ZCCHC2: variants seen among roughly 807,000 people sequenced by gnomAD.
ZCCHC2 encodes the protein zinc finger CCHC-type containing 2.
A neutral mutation model predicts 103.6 loss-of-function variants in ZCCHC2; 39 were observed. That is an observed-to-expected ratio of 0.38 (90% CI 0.29 to 0.49). The LOEUF (loss-of-function observed/expected upper bound fraction) is 0.49. Among genes scored for constraint, ZCCHC2 ranks in the 20% least tolerant of loss-of-function variants. ZCCHC2 has a pLI of 0.96. For synonymous variants in ZCCHC2, 687 were observed against 608.9 expected, an observed-to-expected ratio of 1.13 and a Z score of -1.89; for missense variants, 1,483 against 1,491.0, an observed-to-expected ratio of 0.99 and a Z score of 0.09.
chr18:62,571,826 T>C (rs1318568911), intron 12 of ZCCHC2, among the ~76,000 whole-genome samples: 2 of 152,186 alleles, frequency 1.3e-5, no homozygotes, highest in Admixed American at 6.5e-5. Context: ...TTAGCTTCTT[T>C]CTGTGTTGTG....
At chr18:62,561,472 A>G (rs542570571) in intron 8 of ZCCHC2, among the ~76,000 whole-genome samples, 1 of 152,282 alleles carries the variant, frequency 6.6e-6, no homozygotes, top group Non-Finnish European at 1.5e-5. Context: ...GTGACTTTCC[A>G]TGTTCCGCCT....
chr18:62,561,743 T>G (rs1916126746), intron 8 of ZCCHC2, among the ~76,000 whole-genome samples: 1 of 152,252 alleles, frequency 6.6e-6, no homozygotes, highest in African/African-American at 2.4e-5. Context: ...TCAATCGGTC[T>G]TACTGCTGCT....
Position 62,560,573 on chromosome 18 carries a change from T to G in ZCCHC2, c.1493-14T>G. 6.2e-7 allele frequency: 1 copy of G among 1,610,736 alleles called. No individual in the cohort carries two copies. The highest frequency in any genetic ancestry group is 8.5e-7 in the Non-Finnish European group (1 of 1,178,158). On this transcript the variant is annotated splice_polypyrimidine_tract_variant and intron_variant, in intron 7 of 13. Coordinates refer to ENST00000269499, the MANE Select transcript of ZCCHC2 (RefSeq NM_017742.6). ...AGCATTTAGTGTAATAAGTTACTTT[T>G]TCCTCTCTTCTAGATGTGTTGCAGC...
intron 5 of ZCCHC2, among the ~76,000 whole-genome samples, chr18:62,553,424 A>G (rs12962859): frequency 0.17 from 25,100 of 151,878 alleles, 2,432 homozygotes; most frequent in Non-Finnish European, 0.22. Context: ...TACAATGTCC[A>G]GGTATATGAT....
rs551740182 is a variant in ZCCHC2, at chr18:62,523,796, G to T, written c.372G>T (p.Pro124=). 1 of 1,541,832 alleles carries T rather than the reference G, an allele frequency of 6.5e-7. No individual in the cohort carries two copies. The highest frequency in any genetic ancestry group is 1.2e-5 in the South Asian group (1 of 83,918). ...FMCGLLDLCN[P]LELRFLGSCL... is the part of the protein sequence containing the mutation. ...GCGGGCTGCTGGACCTGTGCAACCC[G>T]CTGGAGCTGCGCTTCCTTGGCTCGT... Residue 124 remains proline (P), a synonymous_variant, in exon 1 of 14, where the codon CCG becomes CCT. Transcript: ENST00000269499.
At chr18:62,579,882 C>A (rs1356324032), downstream of ZCCHC2, among the ~76,000 whole-genome samples, 15 of 151,630 alleles carry the variant, frequency 9.9e-5, no homozygotes, top group African/African-American at 2.9e-4. Flanking sequence ...ACCACCACGC[C>A]CAGCCAATTT....
At chr18:62,549,459 G>A (rs919575286) in intron 4 of ZCCHC2, among the ~76,000 whole-genome samples, 30 of 152,280 alleles carry the variant, frequency 2.0e-4, no homozygotes, top group African/African-American at 7.2e-4. Context: ...ATTTACTTCG[G>A]ACTTCTCAAA....
intron 11 of ZCCHC2, among the ~76,000 whole-genome samples, chr18:62,567,009 TAAC>T (rs1166569636): frequency 6.6e-6 from 1 of 152,180 alleles, no homozygotes; most frequent in African/African-American, 2.4e-5. Flanking sequence ...GTTATGAAAA[TAAC>T]AACCTCAGCG....
rs1435271523 is a variant in ZCCHC2 at position 62,570,226 on chromosome 18, A to G, written c.1970A>G (p.Asp657Gly). ...AGTTTTGAAAGTGAAGAAGAGAAAG[A>G]CAGAGGTTTGCTCTTTGAAGTGGGA... ...RESFESEEEK[D>G]RDTDSNSEDS... The change falls in exon 12 of 14, where the codon GAC becomes GGC. Residue 657 changes from aspartate to glycine, a missense_variant. By Grantham distance (94) the Asp-to-Gly change is moderately conservative. Transcript: ENST00000269499. 1 of 1,611,500 alleles carries G rather than the reference A, an allele frequency of 6.2e-7. No individual in the cohort carries two copies. The highest frequency in any genetic ancestry group is 2.2e-5 in the East Asian group (1 of 44,816).
downstream of ZCCHC2, chr18:62,581,949 G>C (rs1917047064): frequency 6.3e-6 from 1 of 158,780 alleles, no homozygotes; most frequent in African/African-American, 2.4e-5. Flanking sequence ...GAGCCCCAGA[G>C]TGGAGAGTCA....
chr18:62,545,418 CTTT>C (rs1255390830), intron 4 of ZCCHC2, among the ~76,000 whole-genome samples: 1 of 152,060 alleles, frequency 6.6e-6, no homozygotes, highest in Non-Finnish European at 1.5e-5. Context: ...TTTCTTCCTT[CTTT>C]GAGTTCCAGC....
In ZCCHC2 at chr18:62,524,050, G is replaced by A. The variant is rs1165110409; in HGVS notation, c.626G>A (p.Arg209Gln). Residue 209 changes from arginine to glutamine, a missense_variant, in exon 1 of 14, where the codon CGG (arginine) becomes CAG (glutamine). Arg to Gln is a conservative substitution (Grantham distance 43). Transcript: ENST00000269499. ...DSVLKSLRAA[R>Q]GEGSRGGAED... ...GTGCTCAAAAGCCTGCGCGCGGCCC[G>A]GGGCGAGGGCTCGCGGGGCGGCGCG... is the stretch of plus-strand genomic sequence containing the variant. 2 of 1,468,556 alleles carry A rather than the reference G, an allele frequency of 1.4e-6. No individual in the cohort carries two copies. Among genetic ancestry groups the A allele is most frequent in the Non-Finnish European group, 1.8e-6 (2 of 1,122,112 alleles). 91.0% of individuals were successfully genotyped at this position (1,468,556 alleles called of 1,614,324 possible).
In ZCCHC2 at chr18:62,523,376, GCCCCTCC is replaced by G; in HGVS notation, c.-47_-41del. The G allele has an allele frequency of 3.0e-6, 3 of 1,012,344 alleles. No individual in the cohort carries two copies. Among genetic ancestry groups the G allele is most frequent in the Non-Finnish European group, 3.5e-6 (3 of 848,980 alleles). 62.7% of individuals were successfully genotyped at this position (1,012,344 alleles called of 1,614,324 possible). ...GCCTCGGCCCGTGCTCCACCTCGCG[GCCCCTCC>G]CGCCCGCCCCCGCTCGCATGTCTGC... On this transcript the variant is annotated 5_prime_UTR_variant, in exon 1 of 14. Coordinates refer to ENST00000269499, the MANE Select transcript of ZCCHC2 (RefSeq NM_017742.6).
In ZCCHC2 at chr18:62,523,394, CGCT is replaced by C; in HGVS notation, c.-30_-28del. On this transcript the variant is annotated 5_prime_UTR_variant, in exon 1 of 14. Transcript: ENST00000269499. ...CCTCGCGGCCCCTCCCGCCCGCCCC[CGCT>C]CGCATGTCTGCGCCGCCCTAGCCGA... The C allele has an allele frequency of 9.7e-7, 1 of 1,029,698 alleles. No individual in the cohort carries two copies. Among genetic ancestry groups the C allele is most frequent in the Non-Finnish European group, 1.2e-6 (1 of 859,738 alleles). The allele number at this position is 1,029,698 out of a possible 1,614,324, so 63.8% of individuals were successfully genotyped here. A position where few individuals can be genotyped will look rare whatever the true frequency, so the allele number is the denominator to read the frequency against.
chr18:62,535,266 G>T (rs1914872284), intron 1 of ZCCHC2, among the ~76,000 whole-genome samples: 2 of 152,210 alleles, frequency 1.3e-5, no homozygotes, highest in Non-Finnish European at 2.9e-5. Flanking sequence ...GGGGGCTGCT[G>T]GCCCAGGGAT....
At chr18:62,535,381 G>A (rs935084824) in intron 1 of ZCCHC2, among the ~76,000 whole-genome samples, 1 of 152,216 alleles carries the variant, frequency 6.6e-6, no homozygotes, top group Non-Finnish European at 1.5e-5. Context: ...TGCTGAAGGA[G>A]GAGACCTATG....
Position 62,564,582 on chromosome 18 carries a change from A to G in ZCCHC2, c.1698A>G (p.Glu566=). 6.5e-7 allele frequency: 1 copy of G among 1,539,764 alleles called. No individual in the cohort carries two copies. Among genetic ancestry groups the G allele is most frequent in the South Asian group, 1.2e-5 (1 of 81,212 alleles). The change falls in exon 10 of 14, where the codon GAA becomes GAG. Residue 566 remains glutamate (E), a synonymous_variant. Transcript: ENST00000269499. ...CVTSADQHSA[E]KRSLSSINKK... is the part of the protein sequence containing the mutation. ...ATTCTTTCTACTAGCATTCTGCTGA[A>G]AAACGGAGTTTATCTTCAATAAATA...
intron 11 of ZCCHC2, among the ~76,000 whole-genome samples, 164 bp from the exon 12 acceptor site, chr18:62,569,939 T>C (rs1201899752): frequency 6.6e-6 from 1 of 152,252 alleles, no homozygotes; most frequent in Non-Finnish European, 1.5e-5. Flanking sequence ...AAGTATTTTC[T>C]ATTAGAATTG....
At position 62,575,070 on chromosome 18, in the gene ZCCHC2, G is replaced by A. The variant is rs373412830; in HGVS notation, c.2989G>A (p.Ala997Thr). Residue 997 changes from alanine (A) to threonine (T), a missense_variant, in exon 13 of 14, where the codon GCT (alanine) becomes ACT (threonine). By Grantham distance (58) the Ala-to-Thr change is moderately conservative (BLOSUM62 0). Coordinates refer to ENST00000269499, the MANE Select transcript of ZCCHC2 (RefSeq NM_017742.6). ...CATCAGTGCTGTGGGGAACACGAAC[G>A]CTAATGGGACAGTAGTGCCACCGCA... ...SYISAVGNTNANGTVVPPQQM... is the reference protein window; with the variant it reads ...SYISAVGNTNTNGTVVPPQQM... The A allele has an allele frequency of 8.1e-6, 13 of 1,613,860 alleles. No individual in the cohort carries two copies. The highest frequency in any genetic ancestry group is 3.3e-5 in the Admixed American group (2 of 59,984).
Sources: allele counts gnomAD v4.1 joint callset (sites outside exome capture counted in the v4.1 genomes callset), GRCh38; gene constraint gnomAD v4.1.1; transcripts MANE v1.5; gene names NCBI Gene and HGNC (gene_info 2026-07-23, HGNC 2026-07-21).